The following ERICH6B variants were observed in gnomAD, a reference collection of about 807,000 sequenced individuals.
ERICH6B encodes glutamate-rich protein 6B.
Under a neutral mutation model 80.0 loss-of-function variants are expected in ERICH6B, and 69 were observed. The ratio of observed to expected loss-of-function variants is 0.86; its 90% CI spans 0.71 to 1.05. The LOEUF (loss-of-function observed/expected upper bound fraction) is 1.05. Ranked by LOEUF, ERICH6B falls within the 50% of genes least tolerant of loss-of-function variation. The probability of loss-of-function intolerance (pLI) is 0.00; values close to 1 mark genes in which losing one functional copy is unlikely to be tolerated. For missense variants in ERICH6B, 754 were observed against 796.1 expected, an observed-to-expected ratio of 0.95 and a Z score of 0.64; for synonymous variants, 283 against 291.9, an observed-to-expected ratio of 0.97 and a Z score of 0.31.
In ERICH6B at chr13:45,564,257, C is replaced by G. The variant is rs116523615; in HGVS notation, c.1188-469G>C. ...AAAAGGACTTATCATGAAAGCCACA[C>G]GAGTCACAGCTCTTCAACATGATCA... On this transcript the variant is annotated intron_variant, in intron 9 of 14. Transcript: ENST00000298738. Among the ~76,000 whole-genome samples the G allele has an allele frequency of 7.9e-5, 12 of 152,340 alleles. No individual in the cohort carries two copies. In the East Asian group the frequency reaches 2.3e-3, roughly 29 times the overall value.
Position 45,587,244 on chromosome 13 carries a change from G to T in ERICH6B, c.687-12C>A. ...CAGCGTCTGGACTCCTGTCAGAGGG[G>T]AGAACAGGAAGGTCAACTTCCAGAC... On this transcript the variant is annotated splice_polypyrimidine_tract_variant and intron_variant, in intron 4 of 14. Transcript: ENST00000298738. 6.4e-7 allele frequency: 1 copy of T among 1,551,326 alleles called. No individual in the cohort carries two copies. The highest frequency in any genetic ancestry group is 1.2e-5 in the South Asian group (1 of 83,986).
At chr13:45,549,263 C>G (rs948833609) in intron 13 of ERICH6B, among the ~76,000 whole-genome samples, 1 of 150,752 alleles carries the variant, frequency 6.6e-6, no homozygotes, top group South Asian at 2.1e-4. Flanking sequence ...CAGCTTGGGC[C>G]GCAGAGCAGA....
rs761044187 is a variant in ERICH6B, at chr13:45,580,649, C to T, written c.873G>A (p.Ser291=). Residue 291 remains serine (S), a synonymous_variant, in exon 6 of 15, where the codon TCG becomes TCA. Coordinates refer to ENST00000298738, the MANE Select transcript of ERICH6B (RefSeq NM_182542.3). ...YDRTAVKSLK[S]KSETEQETTT... ...TGGTTTCTTGCTCTGTTTCTGATTTCGATTTTAAAGATTTTACTGTTAAAA... is the reference window on the plus strand; with the variant it reads ...TGGTTTCTTGCTCTGTTTCTGATTTTGATTTTAAAGATTTTACTGTTAAAA... 19 of 1,551,486 alleles carry T rather than the reference C, an allele frequency of 1.2e-5. No homozygotes were observed. The highest frequency in any genetic ancestry group is 7.8e-5 in the Admixed American group (4 of 50,966).
At chr13:45,577,472 C>T (rs1041525231) in intron 7 of ERICH6B, among the ~76,000 whole-genome samples, 7 of 151,818 alleles carry the variant, frequency 4.6e-5, no homozygotes, top group East Asian at 1.9e-4. Context: ...TTAGTAGAGA[C>T]GGGGTTCTAC....
intron 1 of ERICH6B, among the ~76,000 whole-genome samples, chr13:45,608,422 C>G (rs1477166498): frequency 6.6e-6 from 1 of 152,228 alleles, no homozygotes; most frequent in Non-Finnish European, 1.5e-5. Flanking sequence ...TAGACTGGAA[C>G]TGCTCTTTTC....
intron 14 of ERICH6B, among the ~76,000 whole-genome samples, chr13:45,544,246 T>G (rs1014074417): frequency 1.3e-5 from 2 of 151,874 alleles, no homozygotes; most frequent in African/African-American, 4.9e-5. Flanking sequence ...CTAAATTTTT[T>G]GTATTTTTAG....
chr13:45,560,349 GA>G (rs1458250927), intron 11 of ERICH6B, among the ~76,000 whole-genome samples: 1 of 152,114 alleles, frequency 6.6e-6, no homozygotes, highest in African/African-American at 2.4e-5. Flanking sequence ...GCAGGTCATG[GA>G]AAAATTGAGT....
chr13:45,571,737 T>C (rs1449291448), intron 8 of ERICH6B, among the ~76,000 whole-genome samples: 1 of 152,198 alleles, frequency 6.6e-6, no homozygotes, highest in Non-Finnish European at 1.5e-5. Flanking sequence ...CAAGTTGAAA[T>C]GAGGTCCTCA....
chr13:45,555,699 A>T (rs1874409583), intron 11 of ERICH6B, among the ~76,000 whole-genome samples: 1 of 152,100 alleles, frequency 6.6e-6, no homozygotes, highest in Non-Finnish European at 1.5e-5. Context: ...CCCGAGATGC[A>T]CTTTGAAAGG....
chr13:45,572,731 A>G (rs1210614844), intron 8 of ERICH6B, among the ~76,000 whole-genome samples: 3 of 152,234 alleles, frequency 2.0e-5, no homozygotes, highest in Non-Finnish European at 2.9e-5. Flanking sequence ...AAAAGAATTA[A>G]GGTCTTTCAT....
At chr13:45,561,293 T>C (rs11619216) in intron 11 of ERICH6B, 76 bp downstream of exon 11, 1 of 1,378,620 alleles carries the variant, frequency 7.3e-7, no homozygotes, top group Non-Finnish European at 9.8e-7. Flanking sequence ...AGCTCTCTGG[T>C]GGTGTATGCA....
chr13:45,546,274 C>T (rs7998252), intron 13 of ERICH6B, among the ~76,000 whole-genome samples: 23,933 of 152,112 alleles, frequency 0.16, 3,831 homozygotes, highest in African/African-American at 0.4. Context: ...CTTTTCAAAT[C>T]CCAAAGGGCA....
intron 10 of ERICH6B, among the ~76,000 whole-genome samples, chr13:45,561,935 G>A (rs547624987): frequency 2.8e-4 from 42 of 152,224 alleles, no homozygotes; most frequent in African/African-American, 8.2e-4. Context: ...AAAAACAGGC[G>A]AAAGTCAGGG....
At chr13:45,582,701 G>A (rs1422904787) in intron 5 of ERICH6B, among the ~76,000 whole-genome samples, 1 of 152,174 alleles carries the variant, frequency 6.6e-6, no homozygotes, top group Non-Finnish European at 1.5e-5. Flanking sequence ...GCATCTTGAG[G>A]TGCTGTTCAG....
chr13:45,594,776 C>T (rs1014232372), intron 3 of ERICH6B, among the ~76,000 whole-genome samples: 14 of 152,082 alleles, frequency 9.2e-5, no homozygotes, highest in African/African-American at 3.4e-4. Context: ...GCCTAGGATG[C>T]TTGTAGTTGG....
intron 5 of ERICH6B, among the ~76,000 whole-genome samples, chr13:45,583,740 T>C (rs1875772014): frequency 6.6e-6 from 1 of 152,204 alleles, no homozygotes; most frequent in Non-Finnish European, 1.5e-5. Context: ...TTTCGTTTGG[T>C]TCTCAGTTCT....
Position 45,541,593 on chromosome 13 carries a change from G to C in ERICH6B, c.1960C>G (p.Leu654Val). Residue 654 changes from leucine to valine, a missense_variant, in exon 15 of 15, where the codon CTT becomes GTT. Leu to Val is a conservative substitution (Grantham distance 32). Coordinates refer to ENST00000298738, the MANE Select transcript of ERICH6B (RefSeq NM_182542.3). ...PGPTAQKIRVLLGKMNRLLNY... is the reference protein window; with the variant it reads ...PGPTAQKIRVVLGKMNRLLNY... ...AGGAGCCTATTCATTTTCCCCAGAA[G>C]GACCCGGATCTTCTGGGCTGTTGGG... The C allele has an allele frequency of 6.4e-7, 1 of 1,551,830 alleles. No individual in the cohort carries two copies. Among genetic ancestry groups the C allele is most frequent in the Non-Finnish European group, 8.7e-7 (1 of 1,147,024 alleles).
chr13:45,587,678 C>A (rs1474363170), intron 4 of ERICH6B, among the ~76,000 whole-genome samples: 1 of 152,192 alleles, frequency 6.6e-6, no homozygotes, highest in Non-Finnish European at 1.5e-5. Flanking sequence ...ACCACAAACA[C>A]CACCACCATC....
intron 1 of ERICH6B, among the ~76,000 whole-genome samples, chr13:45,610,680 T>C (rs1339381015): frequency 6.6e-6 from 1 of 152,212 alleles, no homozygotes; most frequent in African/African-American, 2.4e-5. Flanking sequence ...CATGTTACTG[T>C]ACTGAATGCT....
Sources: allele counts gnomAD v4.1 joint callset (sites outside exome capture counted in the v4.1 genomes callset), GRCh38; gene constraint gnomAD v4.1.1; transcripts MANE v1.5; gene names NCBI Gene and HGNC (gene_info 2026-07-23, HGNC 2026-07-21).